The following PROC variants were observed in gnomAD, a reference collection of about 807,000 sequenced individuals.
PROC encodes vitamin K-dependent protein C.
Under a neutral mutation model 36.3 loss-of-function variants are expected in PROC, and 22 were observed. That is an observed-to-expected ratio of 0.61 (90% CI 0.43 to 0.86). The LOEUF (loss-of-function observed/expected upper bound fraction) is 0.86, where lower values mean the gene tolerates loss of function less well. PROC is among the 40% of genes least tolerant of loss of function. The pLI, the probability that PROC is intolerant of heterozygous loss-of-function variation, is 0.00. For missense variants in PROC, 526 were observed against 629.7 expected (o/e 0.84, Z 1.76); for synonymous variants, 218 against 244.5 (o/e 0.89, Z 1.01).
rs1247902323 is a variant in PROC, at chr2:127,428,565, G to C, written c.1005G>C (p.Gln335His). The C allele has an allele frequency of 3.7e-6, 6 of 1,613,778 alleles. No individual in the cohort carries two copies. The highest frequency in any genetic ancestry group is 1.1e-5 in the South Asian group (1 of 91,094). The change falls in exon 9 of 9, where the codon CAG becomes CAC. Residue 335 changes from glutamine to histidine, a missense_variant. Coordinates refer to ENST00000234071, the MANE Select transcript of PROC (RefSeq NM_000312.4). ...LAERELNQAGQETLVTGWGYH... is the reference protein window; with the variant it reads ...LAERELNQAGHETLVTGWGYH... ...AGCGCGAGCTCAATCAGGCCGGCCA[G>C]GAGACCCTCGTGACGGGCTGGGGCT...
chr2:127,426,993 C>T lies in PROC; in HGVS notation c.679-112C>T, dbSNP rs2069929. On this transcript the variant is annotated intron_variant, in intron 7 of 8. Transcript: ENST00000234071. This position sits in a 1 kb window ranked among gnomAD's most constrained non-coding sequence, Gnocchi z 7.0. ...TAGAAAACGCCAGAAAGGGCCTAAG[C>T]CTATGCCCATATGACCAGGGAACCC... The T allele has an allele frequency of 2.5e-4, 230 of 920,144 alleles. No homozygotes were observed. In the African/African-American group the frequency reaches 3.2e-3, roughly 13 times the overall value. The allele number at this position is 920,144 out of a possible 1,614,324, so 57.0% of individuals were successfully genotyped here. A position where few individuals can be genotyped will look rare whatever the true frequency, so the allele number is the denominator to read the frequency against.
At chr2:127,421,472 G>A in intron 3 of PROC, 23 bp downstream of exon 3, 1 of 1,613,456 alleles carries the variant, frequency 6.2e-7, no homozygotes, top group Non-Finnish European at 8.5e-7. Context: ...TGGGTCCAGA[G>A]GATGAGGCTC....
chr2:127,423,021 C>T lies in PROC; in HGVS notation c.263-13C>T. ...CTCTGGCCGCTGACCCCCTACCCCG[C>T]CTTGTGTCGCAGACGGTGACCAGTG... On this transcript the variant is annotated splice_polypyrimidine_tract_variant and intron_variant, in intron 4 of 8. Coordinates refer to ENST00000234071, the MANE Select transcript of PROC (RefSeq NM_000312.4). The T allele has an allele frequency of 6.2e-7, 1 of 1,612,596 alleles. No homozygotes were observed. Among genetic ancestry groups the T allele is most frequent in the Non-Finnish European group, 8.5e-7 (1 of 1,179,824 alleles).
At chr2:127,420,099 C>A in intron 2 of PROC, 87 bp downstream of exon 2, 2 of 1,440,948 alleles carry the variant, frequency 1.4e-6, no homozygotes, top group Non-Finnish European at 1.9e-6. Flanking sequence ...CAGCTTCCAC[C>A]ATCTCTCTGA....
Position 127,428,787 on chromosome 2 carries a change from C to G in PROC, c.1227C>G (p.Ser409=). Residue 409 remains serine (S), a synonymous_variant, in exon 9 of 9, where the codon TCC becomes TCG. Coordinates refer to ENST00000234071, the MANE Select transcript of PROC (RefSeq NM_000312.4). ...ACAGTGGGGGGCCCATGGTCGCCTC[C>G]TTCCACGGCACCTGGTTCCTGGTGG... ...EGDSGGPMVA[S]FHGTWFLVGL... is the part of the protein sequence containing the mutation. 6.2e-7 allele frequency: 1 copy of G among 1,612,236 alleles called. No individual in the cohort carries two copies. The highest frequency in any genetic ancestry group is 8.5e-7 in the Non-Finnish European group (1 of 1,179,084).
intron 3 of PROC, 141 bp from the exon 4 acceptor site, chr2:127,422,776 C>T (rs1688183062): frequency 2.5e-6 from 3 of 1,221,628 alleles, no homozygotes; most frequent in African/African-American, 3.0e-5. Flanking sequence ...CTCCTAGCAG[C>T]CAACGACCAT....
chr2:127,423,813 C>T (rs1166971433), intron 6 of PROC, among the ~76,000 whole-genome samples: 5 of 152,276 alleles, frequency 3.3e-5, no homozygotes, highest in African/African-American at 9.6e-5. Flanking sequence ...TCGCATTTCC[C>T]TCTTTACCCC....
In PROC at chr2:127,423,479, C is replaced by T. The variant is rs1688265747; in HGVS notation, c.535+71C>T. On this transcript the variant is annotated intron_variant, in intron 6 of 8. Coordinates refer to ENST00000234071, the MANE Select transcript of PROC (RefSeq NM_000312.4). Reference sequence around the variant, plus strand: ...GGTGGGCAGGCCCCCTGACGGGGCGCGGCGCGGGGGGCTCAGGAGGGTTTC... The same window carrying T: ...GGTGGGCAGGCCCCCTGACGGGGCGTGGCGCGGGGGGCTCAGGAGGGTTTC... 4 of 1,514,912 alleles carry T rather than the reference C, an allele frequency of 2.6e-6. No homozygotes were observed. The South Asian group carries it at 3.7e-5, about 14-fold the overall frequency. The allele number at this position is 1,514,912 out of a possible 1,614,324, so 93.8% of individuals were successfully genotyped here. A position where few individuals can be genotyped will look rare whatever the true frequency, so the allele number is the denominator to read the frequency against.
chr2:127,423,882 T>C (rs940951850), intron 6 of PROC, among the ~76,000 whole-genome samples: 1 of 152,270 alleles, frequency 6.6e-6, no homozygotes, highest in African/African-American at 2.4e-5. Context: ...ATTTTCCTTT[T>C]TATGCATTTT....
At chr2:127,422,864 G>A (rs879448135) in intron 3 of PROC, 53 bp from the exon 4 acceptor site, 14 of 1,542,050 alleles carry the variant, frequency 9.1e-6, no homozygotes, top group South Asian at 8.3e-5. Context: ...ACCCGGGCGC[G>A]CCCCCTCCGC....
At chr2:127,422,022 T>C (rs888384891) in intron 3 of PROC, among the ~76,000 whole-genome samples, 2 of 152,172 alleles carry the variant, frequency 1.3e-5, no homozygotes, top group African/African-American at 4.8e-5. Context: ...GCTGGCTTCC[T>C]GAGACAAGGC....
intron 3 of PROC, 26 bp downstream of exon 3, chr2:127,421,475 T>A (rs775723313): frequency 6.2e-7 from 1 of 1,613,372 alleles, no homozygotes; most frequent in South Asian, 1.1e-5. Context: ...GTCCAGAGGA[T>A]GAGGCTCAGG....
chr2:127,425,963 T>C (rs1339783901), intron 6 of PROC, 122 bp from the exon 7 acceptor site: 3 of 1,050,272 alleles, frequency 2.9e-6, no homozygotes, highest in Non-Finnish European at 4.4e-6. Flanking sequence ...GGTCTAAGTA[T>C]CATTGGTTCC....
At chr2:127,419,242 C>T (rs2104937679) in intron 1 of PROC, among the ~76,000 whole-genome samples, 1 of 152,264 alleles carries the variant, frequency 6.6e-6, no homozygotes, top group Non-Finnish European at 1.5e-5. Context: ...TCAGTTTCCC[C>T]CTCTATGAAA....
chr2:127,421,749 C>T (rs951926456), intron 3 of PROC, among the ~76,000 whole-genome samples: 3 of 152,210 alleles, frequency 2.0e-5, no homozygotes, highest in Non-Finnish European at 4.4e-5. Context: ...ACTGCCTCCC[C>T]GTCCCACCTC....
At position 127,426,156 on chromosome 2, in the gene PROC, G is replaced by A. The variant is rs567588026; in HGVS notation, c.607G>A (p.Asp203Asn). Residue 203 changes from aspartate to asparagine, a missense_variant, in exon 7 of 9, where the codon GAC becomes AAC. Transcript: ENST00000234071. This position sits in a 1 kb window ranked among gnomAD's most constrained non-coding sequence, Gnocchi z 7.0. ...KRSHLKRDTEDQEDQVDPRLI... is the reference protein window; with the variant it reads ...KRSHLKRDTENQEDQVDPRLI... ...CAGTCACCTGAAACGAGACACAGAA[G>A]ACCAAGAAGACCAAGTAGATCCGCG... The A allele has an allele frequency of 8.1e-6, 13 of 1,614,128 alleles. No homozygotes were observed. The highest frequency in any genetic ancestry group is 7.7e-5 in the South Asian group (7 of 91,082).
rs1687887278 is a variant in PROC at position 127,418,469 on chromosome 2, G to A, written c.-45G>A. On this transcript the variant is annotated 5_prime_UTR_variant, in exon 1 of 9. Coordinates refer to ENST00000234071, the MANE Select transcript of PROC (RefSeq NM_000312.4). The surrounding 1 kb of genome is among the most constrained non-coding windows in gnomAD (Gnocchi z 4.8). Reference sequence around the variant, plus strand: ...GTCATGGCGGCAGGACGGCGAACTTGCAGTATCTCCACGACCCGCCCCTGT... The same window carrying A: ...GTCATGGCGGCAGGACGGCGAACTTACAGTATCTCCACGACCCGCCCCTGT... The A allele has an allele frequency of 1.6e-6, 2 of 1,289,708 alleles. No homozygotes were observed. Among genetic ancestry groups the A allele is most frequent in the African/African-American group, 1.5e-5 (1 of 65,846 alleles). The allele number at this position is 1,289,708 out of a possible 1,614,324, so 79.9% of individuals were successfully genotyped here.
At chr2:127,428,022 G>A (rs1251355690) in intron 8 of PROC, among the ~76,000 whole-genome samples, 1 of 152,160 alleles carries the variant, frequency 6.6e-6, no homozygotes, top group Non-Finnish European at 1.5e-5. Flanking sequence ...TCTGTGTCTG[G>A]GGTTTCCAGG....
Position 127,429,050 on chromosome 2 carries a change from T to C in PROC, c.*104T>C. The C allele has an allele frequency of 2.2e-6, 3 of 1,339,582 alleles. No individual in the cohort carries two copies. The allele number at this position is 1,339,582 out of a possible 1,614,324, so 83.0% of individuals were successfully genotyped here. A position where few individuals can be genotyped will look rare whatever the true frequency, so the allele number is the denominator to read the frequency against. On this transcript the variant is annotated 3_prime_UTR_variant, in exon 9 of 9. Coordinates refer to ENST00000234071, the MANE Select transcript of PROC (RefSeq NM_000312.4). Reference sequence around the variant, plus strand: ...GCTGTTCTGTCCTTCCATCCCTCTTTTGGGCTCTTCTGGAGGGAAGTAACA... The same window carrying C: ...GCTGTTCTGTCCTTCCATCCCTCTTCTGGGCTCTTCTGGAGGGAAGTAACA...
Sources: gnomAD v4.1 joint callset for allele counts (sites outside exome capture counted in the v4.1 genomes callset) on GRCh38, gnomAD v4.1.1 for gene constraint, Gnocchi (gnomAD v3.1) non-coding constraint, MANE v1.5 for transcripts, NCBI Gene and HGNC (gene_info 2026-07-23, HGNC 2026-07-21) for gene names.